The following EIF2AK3 variants were observed in gnomAD, a reference collection of about 807,000 sequenced individuals.
The protein encoded by EIF2AK3 is eukaryotic translation initiation factor 2-alpha kinase 3.
EIF2AK3 carries 50 observed loss-of-function variants against 113.5 expected under a neutral mutation model. The ratio of observed to expected loss-of-function variants is 0.44; its 90% CI spans 0.35 to 0.56. The LOEUF (loss-of-function observed/expected upper bound fraction) is 0.56. Ranked by LOEUF, EIF2AK3 falls within the 20% of genes least tolerant of loss-of-function variation. EIF2AK3 has a pLI of 0.00. For synonymous variants in EIF2AK3, 448 were observed against 495.4 expected (o/e 0.90, Z 1.27); for missense variants, 1,185 against 1,378.0 (o/e 0.86, Z 2.22).
intron 13 of EIF2AK3, among the ~76,000 whole-genome samples, chr2:88,572,400 G>A (rs1037864943): frequency 1.3e-5 from 2 of 152,344 alleles, no homozygotes. Flanking sequence ...GGTTAGTGTG[G>A]AAGGCATCCA....
chr2:88,593,961 G>A, intron 3 of EIF2AK3: 1 of 991,094 alleles, frequency 1.0e-6, no homozygotes, highest in Non-Finnish European at 1.2e-6. Flanking sequence ...CGGAAAACCA[G>A]GTGATCGGGT....
In EIF2AK3 at chr2:88,613,821, C is replaced by T; in HGVS notation, c.341G>A (p.Arg114Lys). Residue 114 changes from arginine to lysine, a missense_variant, in exon 2 of 17, where the codon AGA (arginine) becomes AAA (lysine). Arg to Lys is a conservative substitution (Grantham distance 26, BLOSUM62 2). Transcript: ENST00000303236. ...SLVIISTLDG[R>K]IAALDPENHG... is the part of the protein sequence containing the mutation. ...ATTTTCAGGATCCAAGGCAGCAATT[C>T]TCCCATCTAAAGTGCTGATAATTAC... The T allele has an allele frequency of 2.5e-6, 4 of 1,613,602 alleles. No homozygotes were observed. The highest frequency in any genetic ancestry group is 2.5e-6 in the Non-Finnish European group (3 of 1,179,500).
At chr2:88,576,518 A>C (rs1361633195) in intron 12 of EIF2AK3, 36 bp downstream of exon 12, 17 of 1,613,128 alleles carry the variant, frequency 1.1e-5, no homozygotes, top group Non-Finnish European at 1.4e-5. Context: ...ACAAGCAAAA[A>C]ACTAGCTTAA....
At chr2:88,615,921 C>A (rs1034546121) in intron 1 of EIF2AK3, among the ~76,000 whole-genome samples, 1 of 152,132 alleles carries the variant, frequency 6.6e-6, no homozygotes, top group East Asian at 1.9e-4. Context: ...ACTGATAAAT[C>A]CCGTGGTCAG....
chr2:88,588,342 C>T lies in EIF2AK3; in HGVS notation c.1307-238G>A, dbSNP rs376226758. ...GACATGACATATGTAGTAAAAAACA[C>T]GTACAAGGTTTAGAAAGATAATGAA... is the stretch of plus-strand genomic sequence containing the variant. On this transcript the variant is annotated intron_variant, in intron 7 of 16. Coordinates refer to ENST00000303236, the MANE Select transcript of EIF2AK3 (RefSeq NM_004836.7). Among the ~76,000 whole-genome samples the T allele has an allele frequency of 2.7e-4, 41 of 152,138 alleles. No homozygotes were observed. The South Asian group carries it at 7.5e-3, about 28-fold the overall frequency.
chr2:88,584,136 T>C (rs2104426399), intron 9 of EIF2AK3, among the ~76,000 whole-genome samples: 1 of 152,258 alleles, frequency 6.6e-6, no homozygotes, highest in African/African-American at 2.4e-5. Context: ...CAACAAATCT[T>C]TACTGAGCTC....
At chr2:88,598,071 G>T (rs752800219) in intron 2 of EIF2AK3, among the ~76,000 whole-genome samples, 1 of 152,264 alleles carries the variant, frequency 6.6e-6, no homozygotes, top group East Asian at 1.9e-4. Flanking sequence ...CTTGAAAAGG[G>T]TGAGGGCCAC....
Position 88,557,424 on chromosome 2 carries a change from C to CTA in EIF2AK3, c.*310_*311dup, listed in dbSNP as rs767645334. 2,513 of 356,034 alleles carry CTA rather than the reference C, an allele frequency of 7.1e-3. 6 individuals are homozygous for CTA. Among genetic ancestry groups the CTA allele is most frequent in the Non-Finnish European group, 9.1e-3 (1,738 of 190,180 alleles). The allele number at this position is 356,034 out of a possible 1,614,324, so 22.1% of individuals were successfully genotyped here. A position where few individuals can be genotyped will look rare whatever the true frequency, so the allele number is the denominator to read the frequency against. On this transcript the variant is annotated 3_prime_UTR_variant, in exon 17 of 17. Transcript: ENST00000303236. ...AAAAATATATCCATTTTAGTTCTCA[C>CTA]TATATATATATATTAGGGATTGCTG...
chr2:88,587,943 T>C (rs907862225), intron 8 of EIF2AK3, 39 bp downstream of exon 8: 1 of 1,373,090 alleles, frequency 7.3e-7, no homozygotes, highest in Non-Finnish European at 1.0e-6. Context: ...AATTTCAAAT[T>C]AAAAAATAAA....
At position 88,561,337 on chromosome 2, in the gene EIF2AK3, A is replaced by G. The variant is rs147702507; in HGVS notation, c.3087+952T>C. Among the ~76,000 whole-genome samples, 378 of 151,558 alleles carry G rather than the reference A, an allele frequency of 2.5e-3. 1 individual carries two copies. The highest frequency in any genetic ancestry group is 8.6e-3 in the African/African-American group (353 of 41,258). Reference sequence around the variant, plus strand: ...AGTGCAGTGGCGCGATCTCTGCTCAATGCAAGCTCCGCCTCCCGGGTTCAC... The same window carrying G: ...AGTGCAGTGGCGCGATCTCTGCTCAGTGCAAGCTCCGCCTCCCGGGTTCAC... On this transcript the variant is annotated intron_variant, in intron 15 of 16. Transcript: ENST00000303236.
In EIF2AK3 at chr2:88,579,762, A is replaced by G. The variant is rs530880674; in HGVS notation, c.1764-122T>C. On this transcript the variant is annotated intron_variant, in intron 10 of 16. Transcript: ENST00000303236. Reference sequence around the variant, plus strand: ...AAACTCATAGAACTCATCTTAATAAATAGTATATTTTGAATTTGATTAACA... The same window carrying G: ...AAACTCATAGAACTCATCTTAATAAGTAGTATATTTTGAATTTGATTAACA... The G allele has an allele frequency of 1.0e-5, 9 of 901,012 alleles. No homozygotes were observed. In the East Asian group the frequency reaches 2.2e-4, roughly 22 times the overall value. The allele number at this position is 901,012 out of a possible 1,614,324, so 55.8% of individuals were successfully genotyped here.
chr2:88,567,363 G>A (rs1008506610), intron 14 of EIF2AK3, among the ~76,000 whole-genome samples: 9 of 151,926 alleles, frequency 5.9e-5, no homozygotes, highest in East Asian at 1.9e-4. Context: ...TGTGTTTGTC[G>A]TCTGTAAGTG....
Position 88,568,327 on chromosome 2 carries a change from A to G in EIF2AK3, c.2985+2547T>C, listed in dbSNP as rs114139091. The stretch of plus-strand genomic sequence containing the variant: ...ATTTTCATAATAATACTAAGATATA[A>G]TTTTTCACTGTGTTGACATTTGCAC... On this transcript the variant is annotated intron_variant, in intron 14 of 16. Coordinates refer to ENST00000303236, the MANE Select transcript of EIF2AK3 (RefSeq NM_004836.7). 6.7e-3 allele frequency among the ~76,000 whole-genome samples: 1,027 copies of G among 152,216 alleles called. 9 individuals are homozygous for G. Among genetic ancestry groups the G allele is most frequent in the Non-Finnish European group, 0.011 (779 of 68,006 alleles).
At position 88,585,988 on chromosome 2, in the gene EIF2AK3, G is replaced by C. The variant is rs761573254; in HGVS notation, c.1503C>G (p.Leu501=). Residue 501 remains leucine, a synonymous_variant, in exon 9 of 17, where the codon CTC becomes CTG. Transcript: ENST00000303236. ...TATTCTTGTTGTAATGTGGGTTGTC[G>C]AGGAATCTGACTGTAATCTGTGTGC... ...KRSTQITVRF[L]DNPHYNKNIR... 1 of 1,614,124 alleles carries C rather than the reference G, an allele frequency of 6.2e-7. No homozygotes were observed. The highest frequency in any genetic ancestry group is 8.5e-7 in the Non-Finnish European group (1 of 1,179,988).
Position 88,590,503 on chromosome 2 carries a change from C to T in EIF2AK3, c.1105G>A (p.Glu369Lys), listed in dbSNP as rs1480894325. 6.2e-7 allele frequency: 1 copy of T among 1,613,870 alleles called. No homozygotes were observed. The highest frequency in any genetic ancestry group is 1.3e-5 in the African/African-American group (1 of 75,020). Reference sequence around the variant, plus strand: ...GCTTCTACAATGTCTTCTTCATCTTCTAAAACATCATCATTAGATGTATAA... The same window carrying T: ...GCTTCTACAATGTCTTCTTCATCTTTTAAAACATCATCATTAGATGTATAA... ...TSYTSNDDVL[E>K]DEEDIVEAAR... Residue 369 changes from glutamate (E) to lysine (K), a missense_variant, in exon 6 of 17, where the codon GAA (glutamate) becomes AAA (lysine). Coordinates refer to ENST00000303236, the MANE Select transcript of EIF2AK3 (RefSeq NM_004836.7).
intron 1 of EIF2AK3, among the ~76,000 whole-genome samples, chr2:88,618,646 A>G (rs1005434097): frequency 4.6e-5 from 7 of 152,336 alleles, no homozygotes; most frequent in East Asian, 1.9e-4. Context: ...ACACTGTTTT[A>G]CCTTAGTCAT....
Position 88,621,232 on chromosome 2 carries a change from C to T in EIF2AK3, c.308+5735G>A, listed in dbSNP as rs562643757. ...AAATGACTTTATGCCACAATGAATA[C>T]GCAATAAAAAAAGAAAAACTGTGCT... On this transcript the variant is annotated intron_variant, in intron 1 of 16. Transcript: ENST00000303236. Among the ~76,000 whole-genome samples the T allele has an allele frequency of 4.6e-5, 7 of 152,216 alleles. No individual in the cohort carries two copies. In the South Asian group the frequency reaches 8.3e-4, roughly 18 times the overall value.
rs1034268138 is a variant in EIF2AK3 at position 88,557,248 on chromosome 2, A to G, written c.*488T>C. 9 of 176,900 alleles carry G rather than the reference A, an allele frequency of 5.1e-5. No individual in the cohort carries two copies. The highest frequency in any genetic ancestry group is 9.8e-5 in the Non-Finnish European group (8 of 81,986). The allele number at this position is 176,900 out of a possible 1,614,324, so 11.0% of individuals were successfully genotyped here. On this transcript the variant is annotated 3_prime_UTR_variant, in exon 17 of 17. Coordinates refer to ENST00000303236, the MANE Select transcript of EIF2AK3 (RefSeq NM_004836.7). Reference sequence around the variant, plus strand: ...ATACAGTTTGTGCTACTTGTCCTCCAAAATAGTGCAGATTCCTAATTTACC... The same window carrying G: ...ATACAGTTTGTGCTACTTGTCCTCCGAAATAGTGCAGATTCCTAATTTACC...
At chr2:88,608,700 CTTTTTTTTTTTT>C (rs1176748814) in intron 2 of EIF2AK3, among the ~76,000 whole-genome samples, 6 of 62,018 alleles carry the variant, frequency 9.7e-5, no homozygotes, top group East Asian at 1.2e-3. Context: ...TTTTTGATTT[CTTTTTTTTTTTT>C]TTTTTTTTTT....
Sources: allele counts gnomAD v4.1 joint callset (sites outside exome capture counted in the v4.1 genomes callset), GRCh38; gene constraint gnomAD v4.1.1; transcripts MANE v1.5; gene names NCBI Gene and HGNC (gene_info 2026-07-23, HGNC 2026-07-21).